The following WDR4 variants were observed in gnomAD, a reference collection of about 807,000 sequenced individuals.
The protein encoded by WDR4 is WDR4 tRNA N7-guanosine methyltransferase non-catalytic subunit, also known as tRNA (guanine-N(7)-)-methyltransferase non-catalytic subunit WDR4.
Under a neutral mutation model 48.6 loss-of-function variants are expected in WDR4, and 47 were observed. The observed-to-expected ratio is 0.97, with a 90% CI of 0.77 to 1.23. WDR4 has a LOEUF of 1.23. WDR4 is among the 50% of genes most tolerant of loss of function. The pLI, the probability that WDR4 is intolerant of heterozygous loss-of-function variation, is 0.00. For synonymous variants in WDR4, 268 were observed against 230.0 expected (o/e 1.17, Z -1.49); for missense variants, 606 against 551.6 (o/e 1.10, Z -0.99).
rs774444155 is a variant in WDR4, at chr21:42,850,234, C to T, written c.1054G>A (p.Gly352Ser). 1.4e-5 allele frequency: 23 copies of T among 1,592,818 alleles called. No individual in the cohort carries two copies. Among genetic ancestry groups the T allele is most frequent in the African/African-American group, 9.5e-5 (7 of 73,902 alleles). The change falls in exon 11 of 11, where the codon GGC (glycine) becomes AGC (serine). Residue 352 changes from glycine (G) to serine (S), a missense_variant. Transcript: ENST00000398208. ...GNWAMLEGSA[G>S]ADASFSSLYK... ...AGACTGCTGAAGCTGGCGTCTGCGC[C>T]GGCAGAGCCTGTGATGGGGGAACAA...
chr21:42,879,605 T>G, upstream of WDR4: 1 of 1,337,498 alleles, frequency 7.5e-7, no homozygotes, highest in Non-Finnish European at 1.0e-6. Flanking sequence ...ATACCCCACG[T>G]ACCGCGCATG....
chr21:42,853,342 C>A (rs952280556), intron 9 of WDR4, among the ~76,000 whole-genome samples: 3 of 152,186 alleles, frequency 2.0e-5, no homozygotes, highest in African/African-American at 7.2e-5. Context: ...AGAACTGTTG[C>A]AGACATCACC....
At chr21:42,867,119 A>G (rs1453143977) in intron 3 of WDR4, among the ~76,000 whole-genome samples, 2 of 152,230 alleles carry the variant, frequency 1.3e-5, no homozygotes, top group African/African-American at 4.8e-5. Context: ...GGCCGGGCGC[A>G]GTGGCTCACG....
intron 6 of WDR4, 65 bp downstream of exon 6, chr21:42,859,597 G>GGGGC: frequency 1.4e-5 from 10 of 708,186 alleles, no homozygotes; most frequent in Non-Finnish European, 2.5e-5. Flanking sequence ...TCCAGGAGGC[G>GGGGC]CCCACCCCAC....
chr21:42,878,849 C>A (rs1219734577), intron 1 of WDR4: 5 of 631,640 alleles, frequency 7.9e-6, no homozygotes, highest in Non-Finnish European at 9.9e-6. Context: ...GGGTAAGTGT[C>A]GGAGATGACT....
chr21:42,882,682 G>C (rs922726229), upstream of WDR4, among the ~76,000 whole-genome samples: 13 of 152,128 alleles, frequency 8.5e-5, 1 homozygote, highest in Non-Finnish European at 1.6e-4. Flanking sequence ...GGGCAAAAAG[G>C]CCAGGCACGG....
downstream of WDR4, among the ~76,000 whole-genome samples, chr21:42,846,606 G>A (rs1042129103): frequency 6.6e-6 from 1 of 152,186 alleles, no homozygotes; most frequent in Non-Finnish European, 1.5e-5. Flanking sequence ...CCAGCACTCT[G>A]GGAGGCCAAG....
At chr21:42,890,581 C>T in the WDR4 span, among the ~76,000 whole-genome samples, 11 of 152,158 alleles carry the variant, frequency 7.2e-5, no homozygotes, top group Admixed American at 6.6e-4. Context: ...AAGGGGGAGC[C>T]TCTAGTAGTT....
upstream of WDR4, chr21:42,879,966 C>T (rs1444684352): frequency 2.5e-6 from 1 of 394,616 alleles, no homozygotes; most frequent in African/African-American, 2.1e-5. Context: ...CCCGTTTCTA[C>T]TAAAAGTACA....
At chr21:42,859,591 G>C in intron 6 of WDR4, 71 bp downstream of exon 6, 2 of 605,724 alleles carry the variant, frequency 3.3e-6, no homozygotes, top group Non-Finnish European at 5.3e-6. Context: ...GCCAGGTCCA[G>C]GAGGCGCCCA....
chr21:42,859,741 G>GCGGCAGAGT lies in WDR4; in HGVS notation c.567-28_567-20dup. 1.3e-6 allele frequency: 2 copies of GCGGCAGAGT among 1,554,332 alleles called. No individual in the cohort carries two copies. Among genetic ancestry groups the GCGGCAGAGT allele is most frequent in the South Asian group, 2.4e-5 (2 of 84,152 alleles). On this transcript the variant is annotated intron_variant, in intron 5 of 10. Transcript: ENST00000398208. Reference sequence around the variant, plus strand: ...CACAAACCTGTGAGGGCGAGAGAGAGCGGCAGAGTCAGCGAGCCCAGCGCC... The same window carrying GCGGCAGAGT: ...CACAAACCTGTGAGGGCGAGAGAGAGCGGCAGAGTCGGCAGAGTCAGCGAGCCCAGCGCC...
Position 42,879,429 on chromosome 21 carries a change from G to C in WDR4, c.67C>G (p.Leu23Val). 1 of 1,613,880 alleles carries C rather than the reference G, an allele frequency of 6.2e-7. No homozygotes were observed. The highest frequency in any genetic ancestry group is 8.5e-7 in the Non-Finnish European group (1 of 1,179,904). The change falls in exon 1 of 11, where the codon CTG (leucine) becomes GTG (valine). Residue 23 changes from leucine (L) to valine (V), a missense_variant. By Grantham distance (32) the Leu-to-Val change is conservative. Transcript: ENST00000398208. ...TLVVRGGSRF[L>V]ATSIASSDDD... The stretch of plus-strand genomic sequence containing the variant: ...CACCTGCTTGCTATGGAGGTGGCCA[G>C]GAATCGGCTGCCGCCCCGCACCACC...
intron 3 of WDR4, among the ~76,000 whole-genome samples, chr21:42,863,902 T>A (rs13048582): frequency 1.6e-5 from 2 of 126,416 alleles, no homozygotes; most frequent in African/African-American, 3.5e-5. Flanking sequence ...GTCAGGAGAT[T>A]GAGACCATTC....
rs1260923033 is a variant in WDR4 at position 42,849,500 on chromosome 21, C to G, written c.*549G>C. On this transcript the variant is annotated 3_prime_UTR_variant, in exon 11 of 11. Coordinates refer to ENST00000398208, the MANE Select transcript of WDR4 (RefSeq NM_018669.6). ...TCCGAAACGTGTTTCTCACTTCCCA[C>G]AAGGGAGCCACTCTCCAGGAGCAGC... 6.6e-6 allele frequency: 1 copy of G among 152,474 alleles called. No individual in the cohort carries two copies. Among genetic ancestry groups the G allele is most frequent in the Non-Finnish European group, 1.5e-5 (1 of 68,232 alleles). 9.4% of individuals were successfully genotyped at this position (152,474 alleles called of 1,614,324 possible).
In WDR4 at chr21:42,854,569, A is replaced by G. The variant is rs765431906; in HGVS notation, c.784T>C (p.Cys262Arg). 2 of 1,613,596 alleles carry G rather than the reference A, an allele frequency of 1.2e-6. No homozygotes were observed. The highest frequency in any genetic ancestry group is 3.3e-5 in the Admixed American group (2 of 59,934). The stretch of plus-strand genomic sequence containing the variant: ...GGTGCCGCCGCAGCTTACCCGTCGC[A>G]CAGGAGCGCCACGCAGTTCTCCTGG... ...WCQENCVALLCDGTPVVYIFQ... is the reference protein window; with the variant it reads ...WCQENCVALLRDGTPVVYIFQ... The change falls in exon 8 of 11, where the codon TGC becomes CGC. Residue 262 changes from cysteine (C) to arginine (R), a missense_variant. Transcript: ENST00000398208.
intron 3 of WDR4, among the ~76,000 whole-genome samples, chr21:42,868,196 G>A (rs1308044112): frequency 2.6e-5 from 4 of 152,182 alleles, no homozygotes; most frequent in Admixed American, 2.0e-4. Flanking sequence ...AACCCCTGGA[G>A]GAGCCCTGGG....
At chr21:42,878,996 G>A (rs1443566459) in intron 1 of WDR4, 1 of 1,010,056 alleles carries the variant, frequency 9.9e-7, no homozygotes, top group Non-Finnish European at 1.2e-6. Context: ...TCTCACCAGG[G>A]AGACCCGAGA....
chr21:42,884,115 A>G (rs1213803649), upstream of WDR4, among the ~76,000 whole-genome samples: 1 of 152,176 alleles, frequency 6.6e-6, no homozygotes, highest in Non-Finnish European at 1.5e-5. Flanking sequence ...ACTGCTTTTC[A>G]TGGCCGAATA....
intron 3 of WDR4, among the ~76,000 whole-genome samples, chr21:42,865,607 T>A (rs8128343): frequency 6.6e-6 from 1 of 151,928 alleles, no homozygotes; most frequent in Non-Finnish European, 1.5e-5. Flanking sequence ...AGGACGCAGC[T>A]GAGCCTTACT....
Sources: allele counts gnomAD v4.1 joint callset (sites outside exome capture counted in the v4.1 genomes callset), GRCh38; gene constraint gnomAD v4.1.1; transcripts MANE v1.5; gene names NCBI Gene and HGNC (gene_info 2026-07-23, HGNC 2026-07-21).